The following IL1RAPL2 variants were observed in gnomAD, a reference collection of about 807,000 sequenced individuals.
IL1RAPL2 encodes the protein interleukin 1 receptor accessory protein like 2.
A neutral mutation model predicts 44.1 loss-of-function variants in IL1RAPL2; 3 were observed. The observed-to-expected ratio is 0.07, with a 90% CI of 0.03 to 0.18. The LOEUF (loss-of-function observed/expected upper bound fraction) is 0.18, where lower values mean the gene tolerates loss of function less well. IL1RAPL2 is among the 10% of genes least tolerant of loss of function. The probability of loss-of-function intolerance (pLI) is 1.00; values close to 1 mark genes in which losing one functional copy is unlikely to be tolerated. For missense variants in IL1RAPL2, 391 were observed against 496.4 expected (o/e 0.79, Z 2.02); for synonymous variants, 181 against 178.8 (o/e 1.01, Z -0.10).
At chrX:104,841,613 G>T (rs1338967216) in intron 2 of IL1RAPL2, among the ~76,000 whole-genome samples, 1 of 111,752 alleles carries the variant, frequency 8.9e-6, no homozygotes, top group African/African-American at 3.3e-5. Context: ...GCATTTGCTT[G>T]TCTGTAAAGG....
At chrX:104,884,752 A>G (rs181652845) in intron 2 of IL1RAPL2, among the ~76,000 whole-genome samples, 102 of 111,617 alleles carry the variant, frequency 9.1e-4, no homozygotes, top group Non-Finnish European at 1.8e-3. Flanking sequence ...ATTGAAGGAG[A>G]ATACACAACT....
In IL1RAPL2 at chrX:104,948,709, C is replaced by T. The variant is rs1437284846; in HGVS notation, c.83-246766C>T. The stretch of plus-strand genomic sequence containing the variant: ...TTTTGTCTTTGGTTCTGTTTATATG[C>T]TGGATTACGTTTATTGATTTGTGTA... On this transcript the variant is annotated intron_variant, in intron 2 of 10. Transcript: ENST00000372582. Among the ~76,000 whole-genome samples the T allele has an allele frequency of 3.9e-4, 43 of 110,581 alleles. 3 individuals carry two copies. Among genetic ancestry groups the T allele is most frequent in the Admixed American group, 2.8e-3 (29 of 10,354 alleles).
chrX:105,214,361 AAAAAAAAAAG>A (rs2147621436), intron 3 of IL1RAPL2, among the ~76,000 whole-genome samples: 1 of 105,114 alleles, frequency 9.5e-6, no homozygotes, highest in South Asian at 4.2e-4. Flanking sequence ...ACAAAGATAA[AAAAAAAAAAG>A]ACAAAGAAGG....
intron 3 of IL1RAPL2, among the ~76,000 whole-genome samples, chrX:105,202,421 G>A (rs1274455639): frequency 8.9e-6 from 1 of 112,505 alleles, no homozygotes; most frequent in Non-Finnish European, 1.9e-5. Context: ...ATGCAGGGTT[G>A]TAAACTCAAA....
intron 6 of IL1RAPL2, among the ~76,000 whole-genome samples, chrX:105,509,194 A>C (rs2147785265): frequency 8.9e-6 from 1 of 112,196 alleles, no homozygotes; most frequent in South Asian, 3.7e-4. Context: ...AGTTCTATGA[A>C]GAAAAAGCTA....
chrX:105,272,516 A>G (rs980176228), intron 5 of IL1RAPL2, among the ~76,000 whole-genome samples: 3 of 112,051 alleles, frequency 2.7e-5, no homozygotes, highest in African/African-American at 9.7e-5. Flanking sequence ...CCTCCTGATT[A>G]TTGTAGACAG....
chrX:104,568,394 G>A (rs1928081633), intron 1 of IL1RAPL2, among the ~76,000 whole-genome samples: 1 of 111,425 alleles, frequency 9.0e-6, no homozygotes, highest in Non-Finnish European at 1.9e-5. Flanking sequence ...AAGGAGTTAA[G>A]TTTTTGGGAC....
At chrX:105,127,545 A>G (rs768187305) in intron 2 of IL1RAPL2, among the ~76,000 whole-genome samples, 3 of 110,988 alleles carry the variant, frequency 2.7e-5, no homozygotes, top group African/African-American at 9.8e-5. Flanking sequence ...ATATTAGACT[A>G]GGAAAATTAT....
intron 6 of IL1RAPL2, among the ~76,000 whole-genome samples, chrX:105,526,493 G>A (rs1396094139): frequency 9.0e-6 from 1 of 111,635 alleles, no homozygotes; most frequent in Non-Finnish European, 1.9e-5. Context: ...GTTCTCCCAT[G>A]TATCAAAGAT....
At chrX:105,256,441 A>T (rs1331936623) in intron 4 of IL1RAPL2, among the ~76,000 whole-genome samples, 1 of 107,540 alleles carries the variant, frequency 9.3e-6, no homozygotes, top group African/African-American at 3.4e-5. Context: ...CAATTCTCCT[A>T]TCTCAGCCTC....
intron 2 of IL1RAPL2, among the ~76,000 whole-genome samples, chrX:104,669,994 T>G (rs1930562896): frequency 8.9e-6 from 1 of 111,992 alleles, no homozygotes; most frequent in East Asian, 2.8e-4. Context: ...CTCAAATATC[T>G]TCTAAACTAC....
chrX:104,867,715 C>T, intron 2 of IL1RAPL2, among the ~76,000 whole-genome samples: 1 of 111,615 alleles, frequency 9.0e-6, no homozygotes, highest in Non-Finnish European at 1.9e-5. Context: ...AGATAATCAA[C>T]TATGTGTTTC....
chrX:105,526,650 T>C (rs2036596819), intron 6 of IL1RAPL2, among the ~76,000 whole-genome samples: 1 of 111,831 alleles, frequency 8.9e-6, no homozygotes, highest in Non-Finnish European at 1.9e-5. Context: ...GCTTCATTAA[T>C]GCTGCCAGGA....
chrX:105,106,388 T>C (rs2032744657), intron 2 of IL1RAPL2, among the ~76,000 whole-genome samples: 1 of 110,954 alleles, frequency 9.0e-6, no homozygotes, highest in South Asian at 3.8e-4. Flanking sequence ...AGGAGTCATT[T>C]TATCTTTTTG....
Position 104,599,695 on chromosome X carries a change from C to T in IL1RAPL2, c.-20+32644C>T, listed in dbSNP as rs184943340. On this transcript the variant is annotated intron_variant, in intron 1 of 10. Coordinates refer to ENST00000372582, the MANE Select transcript of IL1RAPL2 (RefSeq NM_017416.2). ...ACACACACACACACACACACACACA[C>T]GTAATCATTTAAAAAGGTTGGTGGA... is the stretch of plus-strand genomic sequence containing the variant. 1.4e-3 allele frequency among the ~76,000 whole-genome samples: 143 copies of T among 104,385 alleles called. 1 individual carries two copies. In the East Asian group the frequency reaches 0.042, roughly 30 times the overall value. 90.6% of individuals were successfully genotyped at this position (104,385 alleles called of 115,157 possible). A position where few individuals can be genotyped will look rare whatever the true frequency, so the allele number is the denominator to read the frequency against.
chrX:105,420,783 T>A (rs1340980958), intron 5 of IL1RAPL2, among the ~76,000 whole-genome samples: 1 of 111,085 alleles, frequency 9.0e-6, no homozygotes, highest in Non-Finnish European at 1.9e-5. Flanking sequence ...TGTGAGAAAT[T>A]TGACTGACAA....
At chrX:105,434,935 G>A (rs895454283) in intron 5 of IL1RAPL2, among the ~76,000 whole-genome samples, 3 of 111,712 alleles carry the variant, frequency 2.7e-5, no homozygotes, top group African/African-American at 9.8e-5. Context: ...CATATGACTA[G>A]CCAATTTTCC....
At chrX:104,689,415 C>T (rs1396753691) in intron 2 of IL1RAPL2, among the ~76,000 whole-genome samples, 1 of 111,513 alleles carries the variant, frequency 9.0e-6, no homozygotes, top group East Asian at 2.8e-4. Context: ...GAACAGTGTA[C>T]AGCCCAGAAG....
chrX:105,030,349 G>A (rs1329095616), intron 2 of IL1RAPL2, among the ~76,000 whole-genome samples: 1 of 111,095 alleles, frequency 9.0e-6, no homozygotes, highest in Non-Finnish European at 1.9e-5. Flanking sequence ...GTATTGCCTA[G>A]GTTTTCTTCT....
Sources: allele counts gnomAD v4.1 joint callset (sites outside exome capture counted in the v4.1 genomes callset), GRCh38; gene constraint gnomAD v4.1.1; transcripts MANE v1.5; gene names NCBI Gene and HGNC (gene_info 2026-07-23, HGNC 2026-07-21).